The following MCM8 variants were observed in gnomAD, a reference collection of about 807,000 sequenced individuals.
The protein encoded by MCM8 is minichromosome maintenance 8 homologous recombination repair factor.
MCM8 carries 85 observed loss-of-function variants against 98.9 expected under a neutral mutation model. The observed-to-expected ratio is 0.86, with a 90% CI of 0.72 to 1.03. MCM8 has a LOEUF of 1.03. MCM8 is among the 50% of genes least tolerant of loss of function. MCM8 has a pLI of 0.00. For missense variants in MCM8, 951 were observed against 997.8 expected (o/e 0.95, Z 0.63); for synonymous variants, 352 against 338.6 (o/e 1.04, Z -0.44).
chr20:5,961,364 A>T (rs2089139007), intron 7 of MCM8, among the ~76,000 whole-genome samples: 1 of 152,190 alleles, frequency 6.6e-6, no homozygotes, highest in South Asian at 2.1e-4. Flanking sequence ...TAAATTTAAC[A>T]TTTGCTAAAT....
At position 5,958,701 on chromosome 20, in the gene MCM8, A is replaced by G; in HGVS notation, c.764A>G (p.Asp255Gly). ...CGEIQSFPLP[D>G]GKYSLPTKCP... is the part of the protein sequence containing the mutation. ...GAAATTCAGAGCTTTCCTCTTCCAG[A>G]TGGAAAATACAGTCTTCCCACAAAG... The change falls in exon 7 of 19, where the codon GAT (aspartate) becomes GGT (glycine). Residue 255 changes from aspartate (D) to glycine (G), a missense_variant. Asp to Gly is a moderately conservative substitution (Grantham distance 94). Coordinates refer to ENST00000610722, the MANE Select transcript of MCM8 (RefSeq NM_032485.6). The G allele has an allele frequency of 6.2e-7, 1 of 1,614,186 alleles. No individual in the cohort carries two copies. The highest frequency in any genetic ancestry group is 8.5e-7 in the Non-Finnish European group (1 of 1,180,020).
intron 16 of MCM8, among the ~76,000 whole-genome samples, chr20:5,986,697 G>A (rs1482886617): frequency 6.6e-6 from 1 of 152,158 alleles, no homozygotes; most frequent in Non-Finnish European, 1.5e-5. Context: ...AAAGGCAAGG[G>A]AAAACCAAGT....
chr20:5,965,698 G>A (rs2089261217), intron 8 of MCM8, among the ~76,000 whole-genome samples: 1 of 152,032 alleles, frequency 6.6e-6, no homozygotes, highest in South Asian at 2.1e-4. Flanking sequence ...CCACATTTTA[G>A]TGTGCATCAT....
chr20:5,962,127 G>A (rs1458166584), intron 7 of MCM8, among the ~76,000 whole-genome samples: 1 of 152,114 alleles, frequency 6.6e-6, no homozygotes, highest in East Asian at 1.9e-4. Context: ...TGGCTGTGTG[G>A]GCTAGTTTGG....
intron 5 of MCM8, 71 bp from the exon 6 acceptor site, chr20:5,957,055 A>G (rs368612206): frequency 3.3e-6 from 3 of 921,920 alleles, no homozygotes; most frequent in Non-Finnish European, 1.6e-6. Context: ...TATATTCTCT[A>G]TAAAAATAGA....
chr20:5,965,559 C>G (rs1211779846), intron 8 of MCM8: 1 of 152,076 alleles, frequency 6.6e-6, no homozygotes, highest in Non-Finnish European at 1.5e-5. Flanking sequence ...AATGAATGAT[C>G]AAATGCCAAG....
intron 3 of MCM8, among the ~76,000 whole-genome samples, chr20:5,953,942 T>C (rs2088903464): frequency 1.3e-5 from 2 of 152,206 alleles, no homozygotes; most frequent in Non-Finnish European, 2.9e-5. Flanking sequence ...TCATGAATGA[T>C]CTTTTGTTCC....
In MCM8 at chr20:5,993,510, C is replaced by G. The variant is rs770893831; in HGVS notation, c.2245C>G (p.Leu749Val). The change falls in exon 18 of 19, where the codon CTA becomes GTA. Residue 749 changes from leucine to valine, a missense_variant. Leu to Val is a conservative substitution (Grantham distance 32). Coordinates refer to ENST00000610722, the MANE Select transcript of MCM8 (RefSeq NM_032485.6). ...DIVEIMKYSMLGTYSDEFGNL... is the reference protein window; with the variant it reads ...DIVEIMKYSMVGTYSDEFGNL... ...TTTTCTTCCTTTCTTTTTAAGCATGCTAGGAACTTACTCTGATGAATTTGG... is the reference window on the plus strand; with the variant it reads ...TTTTCTTCCTTTCTTTTTAAGCATGGTAGGAACTTACTCTGATGAATTTGG... 4 of 1,546,154 alleles carry G rather than the reference C, an allele frequency of 2.6e-6. No individual in the cohort carries two copies. In the African/African-American group the frequency reaches 4.1e-5, roughly 16 times the overall value.
Position 5,962,735 on chromosome 20 carries a change from A to G in MCM8, c.790-539A>G, listed in dbSNP as rs543107388. On this transcript the variant is annotated intron_variant, in intron 7 of 18. Coordinates refer to ENST00000610722, the MANE Select transcript of MCM8 (RefSeq NM_032485.6). ...AGTCTTGAAGATAAATATTGTTGCAATCATATTTGGCAAATACAGTCTGCC... is the reference window on the plus strand; with the variant it reads ...AGTCTTGAAGATAAATATTGTTGCAGTCATATTTGGCAAATACAGTCTGCC... Among the ~76,000 whole-genome samples the G allele has an allele frequency of 1.6e-4, 24 of 152,332 alleles. No individual in the cohort carries two copies. The South Asian group carries it at 4.8e-3, about 30-fold the overall frequency.
At chr20:5,958,749 C>G in intron 7 of MCM8, 23 bp downstream of exon 7, 3 of 1,597,912 alleles carry the variant, frequency 1.9e-6, no homozygotes, top group Non-Finnish European at 2.6e-6. Flanking sequence ...TTAACTGCTT[C>G]TTTATTTATC....
At position 5,952,521 on chromosome 20, in the gene MCM8, C is replaced by G. The variant is rs2088860569; in HGVS notation, c.246C>G (p.Phe82Leu). The change falls in exon 3 of 19, where the codon TTC becomes TTG. Residue 82 changes from phenylalanine (F) to leucine (L), a missense_variant. By Grantham distance (22) the Phe-to-Leu change is conservative. Transcript: ENST00000610722. The part of the protein sequence containing the change: ...FIPYKGWKLY[F>L]SEVYSDSSPL... ...CATATAAAGGCTGGAAGCTTTATTT[C>G]TCTGAAGGTAGGGTTTAAAAAGTAC... 6.2e-7 allele frequency: 1 copy of G among 1,612,676 alleles called. No individual in the cohort carries two copies. Among genetic ancestry groups the G allele is most frequent in the Admixed American group, 1.7e-5 (1 of 59,966 alleles).
Position 5,952,496 on chromosome 20 carries a change from C to A in MCM8, c.221C>A (p.Pro74Gln). ...SMQSTLDRFIPYKGWKLYFSE... is the reference protein window; with the variant it reads ...SMQSTLDRFIQYKGWKLYFSE... ...CAGTCAACATTGGATCGATTCATAC[C>A]ATATAAAGGCTGGAAGCTTTATTTC... Residue 74 changes from proline (P) to glutamine (Q), a missense_variant, in exon 3 of 19, where the codon CCA becomes CAA. Pro to Gln is a moderately conservative substitution (Grantham distance 76). Coordinates refer to ENST00000610722, the MANE Select transcript of MCM8 (RefSeq NM_032485.6). 6.2e-7 allele frequency: 1 copy of A among 1,613,914 alleles called. No individual in the cohort carries two copies. The highest frequency in any genetic ancestry group is 8.5e-7 in the Non-Finnish European group (1 of 1,179,936).
chr20:5,953,394 T>C (rs2088882821), intron 3 of MCM8, among the ~76,000 whole-genome samples: 1 of 152,062 alleles, frequency 6.6e-6, no homozygotes. Context: ...AACTGTCTTT[T>C]TTGTGCTGTT....
intron 13 of MCM8, among the ~76,000 whole-genome samples, chr20:5,980,874 A>G (rs931499890): frequency 1.3e-5 from 1 of 79,468 alleles, no homozygotes. Flanking sequence ...TCTGTCTCTC[A>G]AAAAAAAAAA....
intron 13 of MCM8, among the ~76,000 whole-genome samples, chr20:5,979,165 C>G (rs1019556399): frequency 1.3e-5 from 2 of 152,204 alleles, no homozygotes; most frequent in Non-Finnish European, 2.9e-5. Context: ...CACAGTTAAT[C>G]ACTCCCTCCT....
At position 5,952,497 on chromosome 20, in the gene MCM8, A is replaced by G. The variant is rs2088859820; in HGVS notation, c.222A>G (p.Pro74=). 6.2e-7 allele frequency: 1 copy of G among 1,613,896 alleles called. No individual in the cohort carries two copies. Among genetic ancestry groups the G allele is most frequent in the Non-Finnish European group, 8.5e-7 (1 of 1,179,958 alleles). Residue 74 remains proline, a synonymous_variant, in exon 3 of 19, where the codon CCA becomes CCG. Transcript: ENST00000610722. The part of the protein sequence containing the change: ...SMQSTLDRFI[P]YKGWKLYFSE... ...AGTCAACATTGGATCGATTCATACC[A>G]TATAAAGGCTGGAAGCTTTATTTCT...
At chr20:5,969,565 C>T (rs13041604) in intron 10 of MCM8, among the ~76,000 whole-genome samples, 2 of 148,694 alleles carry the variant, frequency 1.3e-5, no homozygotes, top group Admixed American at 1.4e-4. Context: ...GCACTCCAGC[C>T]TGAGCAACAG....
At chr20:5,963,796 A>G (rs1320473551) in intron 8 of MCM8, among the ~76,000 whole-genome samples, 2 of 152,192 alleles carry the variant, frequency 1.3e-5, no homozygotes, top group Non-Finnish European at 2.9e-5. Context: ...TCAGCCTCCC[A>G]AAGTGCTGGG....
chr20:5,969,546 C>T (rs1025556127), intron 10 of MCM8, among the ~76,000 whole-genome samples: 7 of 149,920 alleles, frequency 4.7e-5, no homozygotes, highest in Non-Finnish European at 8.9e-5. Context: ...GATCTGAAAT[C>T]GCGCCACTGC....
Sources: gnomAD v4.1 joint callset for allele counts (sites outside exome capture counted in the v4.1 genomes callset) on GRCh38, gnomAD v4.1.1 for gene constraint, MANE v1.5 for transcripts, NCBI Gene and HGNC (gene_info 2026-07-23, HGNC 2026-07-21) for gene names.